Variants in CACNA1H observed in about 807,000 individuals in gnomAD.
CACNA1H encodes the protein voltage-dependent T-type calcium channel subunit alpha-1H.
Under a neutral mutation model 192.5 loss-of-function variants are expected in CACNA1H, and 149 were observed. That is an observed-to-expected ratio of 0.77 (90% CI 0.68 to 0.89). The LOEUF (loss-of-function observed/expected upper bound fraction) is 0.89, where lower values mean the gene tolerates loss of function less well. CACNA1H is among the 40% of genes least tolerant of loss of function. The pLI is 0.00. For synonymous variants in CACNA1H, 2,202 were observed against 1,475.2 expected (o/e 1.49, Z -11.29); for missense variants, 4,257 against 3,423.5 (o/e 1.24, Z -6.08).
At chr16:1,213,739 G>C in intron 26 of CACNA1H, 41 bp from the exon 27 acceptor site, 1 of 1,460,988 alleles carries the variant, frequency 6.8e-7, no homozygotes, top group Non-Finnish European at 9.0e-7. Context: ...GGAGCGCCGG[G>C]CGGCCCTCCT....
chr16:1,153,461 G>C lies in CACNA1H; in HGVS notation c.-28G>C, dbSNP rs1021318439. The C allele has an allele frequency of 4.3e-5, 8 of 184,874 alleles. No homozygotes were observed. Among genetic ancestry groups the C allele is most frequent in the Non-Finnish European group, 7.7e-5 (7 of 90,878 alleles). 11.5% of individuals were successfully genotyped at this position (184,874 alleles called of 1,614,324 possible). ...ATGCCCGCGGGGACGCCGCCGGCCA[G>C]CAGAGCGAGGTGAGACGCGGCGAGG... is the stretch of plus-strand genomic sequence containing the variant. On this transcript the variant is annotated 5_prime_UTR_variant, in exon 1 of 35. Coordinates refer to ENST00000348261, the MANE Select transcript of CACNA1H (RefSeq NM_021098.3).
Position 1,153,888 on chromosome 16 carries a change from T to G in CACNA1H, c.151T>G (p.Ser51Ala), listed in dbSNP as rs1490566920. 7.0e-7 allele frequency: 1 copy of G among 1,438,398 alleles called. No individual in the cohort carries two copies. Among genetic ancestry groups the G allele is most frequent in the Admixed American group, 2.5e-5 (1 of 40,342 alleles). The allele number at this position is 1,438,398 out of a possible 1,614,324, so 89.1% of individuals were successfully genotyped here. Residue 51 changes from serine (S) to alanine (A), a missense_variant, in exon 2 of 35, where the codon TCC becomes GCC. Ser to Ala is a moderately conservative substitution (Grantham distance 99). Coordinates refer to ENST00000348261, the MANE Select transcript of CACNA1H (RefSeq NM_021098.3). Reference protein sequence around the residue: ...ERGSELGVSPSESPAAERGAE... With the variant: ...ERGSELGVSPAESPAAERGAE... The stretch of plus-strand genomic sequence containing the variant: ...GGGGTCCGAGCTCGGCGTGTCACCC[T>G]CCGAGAGCCCGGCGGCCGAGCGCGG...
Position 1,215,526 on chromosome 16 carries a change from T to C in CACNA1H, c.5177T>C (p.Leu1726Pro). 2.5e-6 allele frequency: 4 copies of C among 1,611,368 alleles called. No individual in the cohort carries two copies. The highest frequency in any genetic ancestry group is 3.4e-6 in the Non-Finnish European group (4 of 1,179,382). Residue 1726 changes from leucine (L) to proline (P), a missense_variant, in exon 30 of 35, where the codon CTG becomes CCG. By Grantham distance (98) the Leu-to-Pro change is moderately conservative (BLOSUM62 -3). Coordinates refer to ENST00000348261, the MANE Select transcript of CACNA1H (RefSeq NM_021098.3). ...IMRVLRIARV[L>P]KLLKMATGMR... Reference sequence around the variant, plus strand: ...GACGCTCAGCTCCCGGCCCTAGTGCTGAAGCTGCTGAAGATGGCTACGGGC... The same window carrying C: ...GACGCTCAGCTCCCGGCCCTAGTGCCGAAGCTGCTGAAGATGGCTACGGGC...
intron 2 of CACNA1H, among the ~76,000 whole-genome samples, chr16:1,181,873 C>CG (rs1965504481): frequency 6.6e-6 from 1 of 152,304 alleles, no homozygotes. Flanking sequence ...CACCCGGACA[C>CG]GCGCCTCAGG....
rs1969889318 is a variant in CACNA1H, at chr16:1,214,992, G to A, written c.4950G>A (p.Lys1650=). ...NQPKSLDEAL[K]YCNYVFTIVF... ...CCCAGTCGCTGGACGAGGCCCTCAA[G>A]TACTGCAACTACGTCTTCACCATCG... Residue 1650 remains lysine, a synonymous_variant, in exon 28 of 35, where the codon AAG becomes AAA. Transcript: ENST00000348261. 3 of 1,611,240 alleles carry A rather than the reference G, an allele frequency of 1.9e-6. No individual in the cohort carries two copies. The highest frequency in any genetic ancestry group is 2.5e-6 in the Non-Finnish European group (3 of 1,178,786).
Position 1,210,078 on chromosome 16 carries a change from C to T in CACNA1H, c.3788C>T (p.Pro1263Leu), listed in dbSNP as rs1329321297. 6.4e-7 allele frequency: 1 copy of T among 1,559,088 alleles called. No homozygotes were observed. Among genetic ancestry groups the T allele is most frequent in the Non-Finnish European group, 8.7e-7 (1 of 1,152,320 alleles). Reference protein sequence around the residue: ...RLHKVLEPYKPQWCRSREAWA... With the variant: ...RLHKVLEPYKLQWCRSREAWA... ...CATAAAGTGCTGGAGCCCTACAAGC[C>T]CCAGTGGTGCCGGAGCCGCGAGGCC... The change falls in exon 18 of 35, where the codon CCC (proline) becomes CTC (leucine). Residue 1263 changes from proline to leucine, a missense_variant. By Grantham distance (98) the Pro-to-Leu change is moderately conservative. Coordinates refer to ENST00000348261, the MANE Select transcript of CACNA1H (RefSeq NM_021098.3).
intron 6 of CACNA1H, 43 bp downstream of exon 6, chr16:1,198,817 C>G (rs926233933): frequency 3.2e-6 from 5 of 1,569,112 alleles, no homozygotes; most frequent in East Asian, 2.3e-5. Flanking sequence ...CCAGATGGCC[C>G]TGCCCACCAT....
chr16:1,221,592 A>T lies in CACNA1H; in HGVS notation c.*598A>T. ...CCATGGAGTAACGCGCCCGGCCCCG[A>T]TGCGAATCAGGCCTCCCCTACATCT... On this transcript the variant is annotated 3_prime_UTR_variant, in exon 35 of 35. Transcript: ENST00000348261. 2 of 615,684 alleles carry T rather than the reference A, an allele frequency of 3.2e-6. No homozygotes were observed. Among genetic ancestry groups the T allele is most frequent in the Admixed American group, 3.3e-5 (1 of 30,078 alleles). The allele number at this position is 615,684 out of a possible 1,614,324, so 38.1% of individuals were successfully genotyped here.
At position 1,220,397 on chromosome 16, in the gene CACNA1H, G is replaced by A; in HGVS notation, c.6465G>A (p.Arg2155=). 1 of 1,522,522 alleles carries A rather than the reference G, an allele frequency of 6.6e-7. No homozygotes were observed. The highest frequency in any genetic ancestry group is 2.3e-5 in the East Asian group (1 of 42,634). 94.3% of individuals were successfully genotyped at this position (1,522,522 alleles called of 1,614,324 possible). A position where few individuals can be genotyped will look rare whatever the true frequency, so the allele number is the denominator to read the frequency against. Residue 2155 remains arginine (R), a synonymous_variant, in exon 35 of 35, where the codon CGG becomes CGA. Coordinates refer to ENST00000348261, the MANE Select transcript of CACNA1H (RefSeq NM_021098.3). ...CGGGCCGGGCAGACGAGCAGTGGCGGCCCTCGGCGGAGCTGGGCAGCGGGG... is the reference window on the plus strand; with the variant it reads ...CGGGCCGGGCAGACGAGCAGTGGCGACCCTCGGCGGAGCTGGGCAGCGGGG... ...DKPGRADEQW[R]PSAELGSGEP... is the part of the protein sequence containing the mutation.
intron 2 of CACNA1H, among the ~76,000 whole-genome samples, chr16:1,164,048 C>G (rs1236037864): frequency 6.6e-6 from 1 of 152,180 alleles, no homozygotes; most frequent in Non-Finnish European, 1.5e-5. Flanking sequence ...GGGTGTGAGA[C>G]TGCCTGGCCG....
chr16:1,204,801 C>T (rs1185714716), intron 10 of CACNA1H, among the ~76,000 whole-genome samples: 1 of 140,192 alleles, frequency 7.1e-6, no homozygotes, highest in Non-Finnish European at 1.5e-5. Flanking sequence ...CAGATCAGTG[C>T]CGGGGAGGGG....
chr16:1,198,981 G>A (rs1254062023), intron 6 of CACNA1H: 18 of 517,608 alleles, frequency 3.5e-5, no homozygotes, highest in Non-Finnish European at 4.4e-5. Context: ...GGCAGTCACC[G>A]CCCCACATGG....
chr16:1,215,338 C>A lies in CACNA1H; in HGVS notation c.5136C>A (p.Thr1712=). 6.2e-7 allele frequency: 1 copy of A among 1,611,842 alleles called. No homozygotes were observed. The highest frequency in any genetic ancestry group is 1.3e-5 in the African/African-American group (1 of 75,030). Residue 1712 remains threonine, a synonymous_variant, in exon 29 of 35, where the codon ACC becomes ACA. Coordinates refer to ENST00000348261, the MANE Select transcript of CACNA1H (RefSeq NM_021098.3). ...EMSAALPINP[T]IIRIMRVLRI... Reference sequence around the variant, plus strand: ...GCGCCGCGCTGCCCATCAACCCCACCATCATCCGCATCATGCGCGTGCTTC... The same window carrying A: ...GCGCCGCGCTGCCCATCAACCCCACAATCATCCGCATCATGCGCGTGCTTC...
Position 1,213,915 on chromosome 16 carries a change from A to G in CACNA1H, c.4913A>G (p.His1638Arg), listed in dbSNP as rs1969755800. The change falls in exon 27 of 35, where the codon CAC (histidine) becomes CGC (arginine). Residue 1638 changes from histidine to arginine, a missense_variant. By Grantham distance (29) the His-to-Arg change is conservative (BLOSUM62 0). Transcript: ENST00000348261. ...CVNVITMSME[H>R]YNQPKSLDEA... is the part of the protein sequence containing the mutation. ...AACGTCATCACCATGTCCATGGAGCACTATAACCAACCCAAGGTGGGTGCG... is the reference window on the plus strand; with the variant it reads ...AACGTCATCACCATGTCCATGGAGCGCTATAACCAACCCAAGGTGGGTGCG... The G allele has an allele frequency of 6.2e-7, 1 of 1,611,088 alleles. No homozygotes were observed. The highest frequency in any genetic ancestry group is 8.5e-7 in the Non-Finnish European group (1 of 1,179,164).
chr16:1,183,713 A>T (rs1422736255), intron 2 of CACNA1H, among the ~76,000 whole-genome samples: 2 of 152,268 alleles, frequency 1.3e-5, no homozygotes, highest in East Asian at 3.9e-4. Flanking sequence ...TCTGTCATCT[A>T]CCCTGTGAGG....
chr16:1,168,431 G>C (rs981346624), intron 2 of CACNA1H, among the ~76,000 whole-genome samples: 2 of 152,114 alleles, frequency 1.3e-5, no homozygotes, highest in Non-Finnish European at 2.9e-5. Context: ...CAGGCGGGGA[G>C]GCTGCTGGAC....
intron 2 of CACNA1H, among the ~76,000 whole-genome samples, chr16:1,159,319 G>A (rs913070319): frequency 4.6e-5 from 7 of 152,210 alleles, no homozygotes; most frequent in Admixed American, 1.3e-4. Flanking sequence ...GAGCCTGTGC[G>A]GGAGGAGGCG....
chr16:1,210,749 CGCCTGA>C (rs1250128579), intron 20 of CACNA1H, 32 bp from the exon 21 acceptor site: 1 of 1,593,438 alleles, frequency 6.3e-7, no homozygotes, highest in African/African-American at 1.3e-5. Flanking sequence ...AGACCCCCCA[CGCCTGA>C]GCCTGAGCTC....
Position 1,207,257 on chromosome 16 carries a change from C to T in CACNA1H, c.2908-18C>T, listed in dbSNP as rs751036019. 14 of 1,594,194 alleles carry T rather than the reference C, an allele frequency of 8.8e-6. No individual in the cohort carries two copies. In the East Asian group the frequency reaches 9.1e-5, roughly 10 times the overall value. On this transcript the variant is annotated intron_variant, in intron 13 of 34. Coordinates refer to ENST00000348261, the MANE Select transcript of CACNA1H (RefSeq NM_021098.3). Reference sequence around the variant, plus strand: ...TCGGGGCTGGGGTGACCACCCCAGGCCCCCTGCTATCCCCCAGATCCTGAC... The same window carrying T: ...TCGGGGCTGGGGTGACCACCCCAGGTCCCCTGCTATCCCCCAGATCCTGAC...
Sources: gnomAD v4.1 joint callset for allele counts (sites outside exome capture counted in the v4.1 genomes callset) on GRCh38, gnomAD v4.1.1 for gene constraint, MANE v1.5 for transcripts, NCBI Gene and HGNC (gene_info 2026-07-23, HGNC 2026-07-21) for gene names.